FGF14: variants seen among roughly 807,000 people sequenced by gnomAD.
FGF14 encodes the protein fibroblast growth factor 14.
Under a neutral mutation model 25.5 loss-of-function variants are expected in FGF14, and 5 were observed. That is an observed-to-expected ratio of 0.20 (90% CI 0.10 to 0.41). The LOEUF (loss-of-function observed/expected upper bound fraction) is 0.41, where lower values mean the gene tolerates loss of function less well. FGF14 is among the 10% of genes least tolerant of loss of function. FGF14 has a pLI of 1.00. For missense variants in FGF14, 222 were observed against 320.1 expected (o/e 0.69, Z 2.34); for synonymous variants, 138 against 118.3 (o/e 1.17, Z -1.08).
chr13:101,789,289 T>C lies in FGF14; in HGVS notation c.409-62479A>G, dbSNP rs763768563. ...ATTCTCTTTTGTGTCTCCAGGCTTGTGATTCTGGAACCATTAGGGGTTCTT... is the reference window on the plus strand; with the variant it reads ...ATTCTCTTTTGTGTCTCCAGGCTTGCGATTCTGGAACCATTAGGGGTTCTT... On this transcript the variant is annotated intron_variant, in intron 3 of 4. Transcript: ENST00000376143. Among the ~76,000 whole-genome samples the C allele has an allele frequency of 6.8e-4, 104 of 152,184 alleles. 1 individual carries two copies. Among genetic ancestry groups the C allele is most frequent in the Non-Finnish European group, 7.9e-4 (54 of 67,994 alleles).
chr13:101,756,620 C>T (rs2139874494), intron 3 of FGF14, among the ~76,000 whole-genome samples: 1 of 152,244 alleles, frequency 6.6e-6, no homozygotes, highest in Admixed American at 6.5e-5. Flanking sequence ...GTAATCCCAG[C>T]TACTGGGGAG....
In FGF14 at chr13:102,133,105, A is replaced by G. The variant is rs571097697; in HGVS notation, c.209-257809T>C. On this transcript the variant is annotated intron_variant, in intron 1 of 4. Coordinates refer to the FGF14 transcript ENST00000376131. ...GACCATTATTTTCTATCTTCAACAC[A>G]TTTATTTTCATCAGCGATTTCCCAC... Among the ~76,000 whole-genome samples, 3 of 152,308 alleles carry G rather than the reference A, an allele frequency of 2.0e-5. No homozygotes were observed. The South Asian group carries it at 6.2e-4, about 32-fold the overall frequency.
intron 1 of FGF14, among the ~76,000 whole-genome samples, chr13:102,134,612 A>T (rs1422409335): frequency 6.6e-6 from 1 of 152,198 alleles, no homozygotes; most frequent in Non-Finnish European, 1.5e-5. Context: ...AAACTGACAA[A>T]GAGCTTTCCT....
chr13:102,262,728 T>C (rs2052776542), intron 1 of FGF14, among the ~76,000 whole-genome samples: 1 of 152,210 alleles, frequency 6.6e-6, no homozygotes. Context: ...CACTGATATT[T>C]GGACTTTTTA....
chr13:101,819,608 A>C (rs2042013512), intron 3 of FGF14, among the ~76,000 whole-genome samples: 1 of 152,238 alleles, frequency 6.6e-6, no homozygotes, highest in Non-Finnish European at 1.5e-5. Context: ...TGAATCTTTC[A>C]AGTTACTTCA....
At chr13:102,306,591 A>G (rs2055393498) in intron 1 of FGF14, among the ~76,000 whole-genome samples, 1 of 152,182 alleles carries the variant, frequency 6.6e-6, no homozygotes, top group Non-Finnish European at 1.5e-5. Context: ...ACCCTATGCC[A>G]CAAAGCTGGA....
intron 1 of FGF14, among the ~76,000 whole-genome samples, chr13:102,130,686 AAGAG>A (rs1184214329): frequency 1.3e-5 from 2 of 152,154 alleles, no homozygotes; most frequent in Non-Finnish European, 2.9e-5. Flanking sequence ...ATAAAGTAAA[AAGAG>A]AGCGTACAAG....
intron 1 of FGF14, among the ~76,000 whole-genome samples, chr13:102,094,557 C>G (rs935027742): frequency 2.6e-5 from 4 of 152,110 alleles, no homozygotes; most frequent in Non-Finnish European, 4.4e-5. Context: ...TAAGCAAGCA[C>G]TAGGATACAA....
intron 1 of FGF14, among the ~76,000 whole-genome samples, chr13:101,908,304 C>A (rs994109334): frequency 6.6e-6 from 1 of 152,164 alleles, no homozygotes; most frequent in Non-Finnish European, 1.5e-5. Flanking sequence ...TTCTCCTAAT[C>A]CCAGCCCCAC....
At chr13:102,340,094 C>T (rs1299721039) in intron 1 of FGF14, among the ~76,000 whole-genome samples, 1 of 152,142 alleles carries the variant, frequency 6.6e-6, no homozygotes, top group African/African-American at 2.4e-5. Flanking sequence ...AAAAAAAACA[C>T]AGTAATTAGT....
At chr13:101,792,837 C>A in intron 3 of FGF14, among the ~76,000 whole-genome samples, 1 of 152,022 alleles carries the variant, frequency 6.6e-6, no homozygotes, top group East Asian at 1.9e-4. Context: ...CTGAGTAGAA[C>A]CTGGCTATTT....
rs547137622 is a variant in FGF14 at position 101,727,279 on chromosome 13, T to G, written c.409-469A>C. On this transcript the variant is annotated intron_variant, in intron 3 of 4. Coordinates refer to ENST00000376143, the MANE Select transcript of FGF14 (RefSeq NM_004115.4). ...GAAATCACAGGGTGATACATTTTAC[T>G]TACAAAGGAACAAACTGAAACCTCA... Among the ~76,000 whole-genome samples the G allele has an allele frequency of 3.9e-5, 6 of 152,244 alleles. No individual in the cohort carries two copies. The East Asian group carries it at 1.2e-3, about 29-fold the overall frequency.
At chr13:101,772,566 C>G in intron 3 of FGF14, among the ~76,000 whole-genome samples, 1 of 152,002 alleles carries the variant, frequency 6.6e-6, no homozygotes, top group East Asian at 1.9e-4. Flanking sequence ...GCGAAATTTT[C>G]TATTAATTAA....
At chr13:102,398,011 A>AGTGTGTGT (rs1427542154) in intron 1 of FGF14, among the ~76,000 whole-genome samples, 2 of 70,246 alleles carry the variant, frequency 2.8e-5, no homozygotes, top group African/African-American at 1.2e-4. Flanking sequence ...AGGACATTTA[A>AGTGTGTGT]GAGTGTGTGT....
intron 3 of FGF14, among the ~76,000 whole-genome samples, chr13:101,773,052 C>A (rs1175187969): frequency 6.6e-6 from 1 of 151,940 alleles, no homozygotes; most frequent in African/African-American, 2.4e-5. Context: ...CTTAAGTGGC[C>A]CCTGTTGTAT....
chr13:102,395,204 T>G (rs1012491182), intron 1 of FGF14: 2 of 152,032 alleles, frequency 1.3e-5, no homozygotes, highest in African/African-American at 4.8e-5. Context: ...CCAGTTACCA[T>G]CTTCAGAGAA....
chr13:101,878,799 G>A (rs995663463), intron 1 of FGF14, among the ~76,000 whole-genome samples: 1 of 152,018 alleles, frequency 6.6e-6, no homozygotes, highest in Non-Finnish European at 1.5e-5. Flanking sequence ...ATATAAAAGT[G>A]TGGAAATATT....
At chr13:102,027,865 G>A (rs368081313) in intron 1 of FGF14, among the ~76,000 whole-genome samples, 2 of 152,018 alleles carry the variant, frequency 1.3e-5, no homozygotes, top group African/African-American at 2.4e-5. Context: ...AACGTCTCTC[G>A]ATGACTATTA....
At chr13:102,276,351 G>GTATATATATATATATA (rs1291212131) in intron 1 of FGF14, among the ~76,000 whole-genome samples, 56 of 41,616 alleles carry the variant, frequency 1.3e-3, no homozygotes, top group African/African-American at 3.7e-3. Flanking sequence ...GTGTGTGTGT[G>GTATATATATATATATA]TGTATATATA....
Sources: gnomAD v4.1 joint callset for allele counts (sites outside exome capture counted in the v4.1 genomes callset) on GRCh38, gnomAD v4.1.1 for gene constraint, MANE v1.5 for transcripts, NCBI Gene and HGNC (gene_info 2026-07-23, HGNC 2026-07-21) for gene names.